The following ZC3H12C variants were observed in gnomAD, a reference collection of about 807,000 sequenced individuals.
ZC3H12C encodes zinc finger CCCH-type containing 12C.
In ZC3H12C, 20 loss-of-function variants were observed where a neutral mutation model predicts 76.3. The observed-to-expected ratio is 0.26, with a 90% CI of 0.18 to 0.38. The LOEUF (loss-of-function observed/expected upper bound fraction) is 0.38, where lower values mean the gene tolerates loss of function less well. Ranked by LOEUF, ZC3H12C falls within the 10% of genes least tolerant of loss-of-function variation. The pLI, the probability that ZC3H12C is intolerant of heterozygous loss-of-function variation, is 1.00. For missense variants in ZC3H12C, 874 were observed against 1,086.5 expected, an observed-to-expected ratio of 0.80 and a Z score of 2.75; for synonymous variants, 352 against 399.6, an observed-to-expected ratio of 0.88 and a Z score of 1.42.
At chr11:110,106,724 G>T (rs966422314) in intron 1 of ZC3H12C, among the ~76,000 whole-genome samples, 1 of 152,128 alleles carries the variant, frequency 6.6e-6, no homozygotes, top group Admixed American at 6.6e-5. Flanking sequence ...TGATATAAAA[G>T]AAAGTTATTT....
intron 5 of ZC3H12C, 42 bp downstream of exon 5, chr11:110,163,421 C>A: frequency 1.4e-6 from 2 of 1,481,242 alleles, no homozygotes; most frequent in Non-Finnish European, 1.8e-6. Flanking sequence ...CTTTAGAACA[C>A]AATATATTAT....
At chr11:110,094,410 C>T (rs903119637) in intron 1 of ZC3H12C, among the ~76,000 whole-genome samples, 2 of 152,166 alleles carry the variant, frequency 1.3e-5, no homozygotes, top group African/African-American at 4.8e-5. Context: ...AATTTGGCAA[C>T]GTTGTTCAGT....
chr11:110,170,208 A>C lies in ZC3H12C; in HGVS notation c.*4471A>C, dbSNP rs1862652141. ...TTTCTTGTGTTTAACCACAAAAAAA[A>C]GCACTCTGTTAAAATGTTTTAATAT... is the stretch of plus-strand genomic sequence containing the variant. On this transcript the variant is annotated 3_prime_UTR_variant, in exon 6 of 6. Coordinates refer to ENST00000278590, the MANE Select transcript of ZC3H12C (RefSeq NM_033390.2). 6.6e-6 allele frequency: 1 copy of C among 152,224 alleles called. No homozygotes were observed. Among genetic ancestry groups the C allele is most frequent in the South Asian group, 2.1e-4 (1 of 4,834 alleles). 9.4% of individuals were successfully genotyped at this position (152,224 alleles called of 1,614,324 possible).
At chr11:110,093,726 G>C (rs992632040) in intron 1 of ZC3H12C, among the ~76,000 whole-genome samples, 1 of 152,024 alleles carries the variant, frequency 6.6e-6, no homozygotes, top group Non-Finnish European at 1.5e-5. Context: ...CCGGCCCCGC[G>C]GCCTAAGGCA....
intron 3 of ZC3H12C, among the ~76,000 whole-genome samples, chr11:110,157,430 CTTTTTT>C (rs1238127792): frequency 1.8e-5 from 2 of 114,052 alleles, no homozygotes; most frequent in Non-Finnish European, 1.9e-5. Flanking sequence ...AAGGTCTGGT[CTTTTTT>C]TTTTTTTTTT....
chr11:110,116,143 C>G lies in ZC3H12C; in HGVS notation c.22-20520C>G, dbSNP rs1355191976. ...CTTCTAATTAAACTTCAGTTTTCTCCCTCTTGCCTTCACTCCTGCCCACCA... is the reference window on the plus strand; with the variant it reads ...CTTCTAATTAAACTTCAGTTTTCTCGCTCTTGCCTTCACTCCTGCCCACCA... On this transcript the variant is annotated intron_variant, in intron 1 of 5. Coordinates refer to ENST00000278590, the MANE Select transcript of ZC3H12C (RefSeq NM_033390.2). Among the ~76,000 whole-genome samples, 2 of 152,064 alleles carry G rather than the reference C, an allele frequency of 1.3e-5. 1 individual carries two copies. Among genetic ancestry groups the G allele is most frequent in the Non-Finnish European group, 2.9e-5 (2 of 68,008 alleles).
At chr11:110,100,243 C>G (rs954413323) in intron 1 of ZC3H12C, among the ~76,000 whole-genome samples, 3 of 130,092 alleles carry the variant, frequency 2.3e-5, no homozygotes, top group African/African-American at 8.6e-5. Flanking sequence ...CAGGGTCTCT[C>G]TATGTTGCCC....
intron 2 of ZC3H12C, among the ~76,000 whole-genome samples, chr11:110,144,913 C>T (rs1230757663): frequency 1.3e-5 from 2 of 152,062 alleles, no homozygotes; most frequent in Non-Finnish European, 2.9e-5. Flanking sequence ...CTAAAATAAC[C>T]CTTCCTGTTC....
At chr11:110,138,660 G>C (rs1384183807) in intron 2 of ZC3H12C, among the ~76,000 whole-genome samples, 1 of 151,544 alleles carries the variant, frequency 6.6e-6, no homozygotes, top group Admixed American at 6.6e-5. Context: ...AGGTTCAAGC[G>C]ATTCTTGTGC....
chr11:110,097,482 T>G (rs1402070191), intron 1 of ZC3H12C, among the ~76,000 whole-genome samples: 3 of 152,220 alleles, frequency 2.0e-5, no homozygotes, highest in Non-Finnish European at 4.4e-5. Context: ...CTTGGTTTAC[T>G]GCATTGTGGT....
intron 1 of ZC3H12C, among the ~76,000 whole-genome samples, chr11:110,124,901 T>C (rs1467859499): frequency 2.0e-5 from 3 of 151,560 alleles, no homozygotes; most frequent in African/African-American, 7.3e-5. Context: ...AGGAAGGAGA[T>C]AAATTAAGAT....
chr11:110,122,583 A>G (rs1375450576), intron 1 of ZC3H12C, among the ~76,000 whole-genome samples: 3 of 152,196 alleles, frequency 2.0e-5, no homozygotes, highest in Non-Finnish European at 4.4e-5. Flanking sequence ...CAACTTCATG[A>G]TGGTGCGAAA....
chr11:110,096,109 A>G (rs1231302884), intron 1 of ZC3H12C, among the ~76,000 whole-genome samples: 1 of 152,238 alleles, frequency 6.6e-6, no homozygotes, highest in African/African-American at 2.4e-5. Flanking sequence ...TGAAGATTCA[A>G]CAAAACACAT....
At chr11:110,153,793 A>G (rs1487909662) in intron 3 of ZC3H12C, among the ~76,000 whole-genome samples, 1 of 152,254 alleles carries the variant, frequency 6.6e-6, no homozygotes, top group Non-Finnish European at 1.5e-5. Context: ...ATGTAAGACC[A>G]TAAGATGTGC....
chr11:110,151,231 TTTAA>T (rs1862266576), intron 2 of ZC3H12C, among the ~76,000 whole-genome samples: 1 of 152,176 alleles, frequency 6.6e-6, no homozygotes, highest in Admixed American at 6.5e-5. Flanking sequence ...GTAAAAGTTA[TTTAA>T]TTATTTAGGA....
Position 110,144,633 on chromosome 11 carries a change from A to G in ZC3H12C, c.773+7219A>G, listed in dbSNP as rs75463867. ...GGTCTTCTTTGATCATGTAAATAAT[A>G]TACGTATTATATAAGTTTTAGAAAT... On this transcript the variant is annotated intron_variant, in intron 2 of 5. Coordinates refer to ENST00000278590, the MANE Select transcript of ZC3H12C (RefSeq NM_033390.2). Among the ~76,000 whole-genome samples the G allele has an allele frequency of 7.5e-3, 1,139 of 152,320 alleles. 22 individuals are homozygous for G. Among genetic ancestry groups the G allele is most frequent in the African/African-American group, 0.026 (1,085 of 41,574 alleles).
rs760228663 is a variant in ZC3H12C at position 110,159,400 on chromosome 11, A to G, written c.1058A>G (p.Asn353Ser). Reference protein sequence around the residue: ...AFESDGIIVSNDNYRDLANEK... With the variant: ...AFESDGIIVSSDNYRDLANEK... Reference sequence around the variant, plus strand: ...GAGTCGGACGGTATCATTGTGTCCAATGATAACTACAGGGACTTGGCTAAT... The same window carrying G: ...GAGTCGGACGGTATCATTGTGTCCAGTGATAACTACAGGGACTTGGCTAAT... The change falls in exon 4 of 6, where the codon AAT (asparagine) becomes AGT (serine). Residue 353 changes from asparagine (N) to serine (S), a missense_variant. Asn to Ser is a conservative substitution (Grantham distance 46, BLOSUM62 1). Coordinates refer to ENST00000278590, the MANE Select transcript of ZC3H12C (RefSeq NM_033390.2). The G allele has an allele frequency of 1.8e-5, 29 of 1,614,020 alleles. No individual in the cohort carries two copies. The highest frequency in any genetic ancestry group is 5.3e-5 in the African/African-American group (4 of 75,056).
At chr11:110,132,501 C>G (rs79946812) in intron 1 of ZC3H12C, among the ~76,000 whole-genome samples, 1,582 of 152,208 alleles carry the variant, frequency 0.01, 14 homozygotes, top group Middle Eastern at 0.031. Flanking sequence ...AACTTGCCTT[C>G]TAGCAAGAAA....
At chr11:110,154,078 G>C (rs1862327406) in intron 3 of ZC3H12C, among the ~76,000 whole-genome samples, 1 of 152,140 alleles carries the variant, frequency 6.6e-6, no homozygotes, top group Non-Finnish European at 1.5e-5. Flanking sequence ...GGATGATTAA[G>C]ACTTAATTTT....
Sources: gnomAD v4.1 joint callset for allele counts (sites outside exome capture counted in the v4.1 genomes callset) on GRCh38, gnomAD v4.1.1 for gene constraint, MANE v1.5 for transcripts, NCBI Gene and HGNC (gene_info 2026-07-23, HGNC 2026-07-21) for gene names.